KIAA0825: variants seen among roughly 807,000 people sequenced by gnomAD.
KIAA0825 encodes the protein KIAA0825.
KIAA0825 carries 119 observed loss-of-function variants against 147.6 expected under a neutral mutation model. The ratio of observed to expected loss-of-function variants is 0.81; its 90% CI spans 0.69 to 0.94. KIAA0825 has a LOEUF of 0.94. Among genes scored for constraint, KIAA0825 ranks in the 40% least tolerant of loss-of-function variants. The pLI, the probability that KIAA0825 is intolerant of heterozygous loss-of-function variation, is 0.00. For synonymous variants in KIAA0825, 470 were observed against 518.1 expected, an observed-to-expected ratio of 0.91 and a Z score of 1.26; for missense variants, 1,381 against 1,472.7, an observed-to-expected ratio of 0.94 and a Z score of 1.02.
intron 14 of KIAA0825, among the ~76,000 whole-genome samples, chr5:94,420,615 G>A (rs1038331583): frequency 1.3e-5 from 2 of 152,062 alleles, no homozygotes; most frequent in African/African-American, 4.8e-5. Context: ...TGCACATCTT[G>A]TCTTCAGGTA....
chr5:94,463,065 C>G (rs865928643), intron 11 of KIAA0825, among the ~76,000 whole-genome samples: 1 of 151,754 alleles, frequency 6.6e-6, no homozygotes, highest in African/African-American at 2.4e-5. Flanking sequence ...AAATGACAAA[C>G]GAAGCTCAAA....
chr5:94,252,464 T>TAG (rs1247073440), intron 20 of KIAA0825, among the ~76,000 whole-genome samples: 4 of 151,550 alleles, frequency 2.6e-5, no homozygotes, highest in African/African-American at 4.8e-5. Context: ...TGTATATATA[T>TAG]ATAGAGAGAG....
At chr5:94,519,822 A>G in intron 5 of KIAA0825, 1 of 736,776 alleles carries the variant, frequency 1.4e-6, no homozygotes, top group Non-Finnish European at 1.7e-6. Context: ...CTTTTCTGTT[A>G]TGTATATAAC....
intron 19 of KIAA0825, 62 bp from the exon 20 acceptor site, chr5:94,384,520 T>C: frequency 2.2e-6 from 3 of 1,350,878 alleles, no homozygotes; most frequent in Non-Finnish European, 3.1e-6. Flanking sequence ...ATATGATCAG[T>C]AAATTAAAGC....
At position 94,327,350 on chromosome 5, in the gene KIAA0825, G is replaced by GA. The variant is rs781481145; in HGVS notation, c.3710+57017dup. Among the ~76,000 whole-genome samples, 345 of 137,024 alleles carry GA rather than the reference G, an allele frequency of 2.5e-3. 2 individuals carry two copies. Among genetic ancestry groups the GA allele is most frequent in the Middle Eastern group, 0.011 (3 of 274 alleles). The allele number at this position is 137,024 out of a possible 152,430, so 89.9% of individuals were successfully genotyped here. A position where few individuals can be genotyped will look rare whatever the true frequency, so the allele number is the denominator to read the frequency against. Reference sequence around the variant, plus strand: ...TAGAACATGAATACTACTTTATGAAGAAAAAAAAAAAACTGTCCTTTAGAT... The same window carrying GA: ...TAGAACATGAATACTACTTTATGAAGAAAAAAAAAAAAACTGTCCTTTAGAT... On this transcript the variant is annotated intron_variant, in intron 20 of 20. Transcript: ENST00000682413.
intron 20 of KIAA0825, among the ~76,000 whole-genome samples, chr5:94,302,390 A>G (rs779415490): frequency 7.2e-5 from 11 of 152,074 alleles, no homozygotes; most frequent in Non-Finnish European, 1.0e-4. Context: ...AAAGAGTATT[A>G]TATATGATGA....
At position 94,389,549 on chromosome 5, in the gene KIAA0825, G is replaced by A. The variant is rs536392928; in HGVS notation, c.3456+1986C>T. ...CCTCATTTTCCCTGATGACTTCTTTGTCTCTATGAATGGCACACCCATTCT... is the reference window on the plus strand; with the variant it reads ...CCTCATTTTCCCTGATGACTTCTTTATCTCTATGAATGGCACACCCATTCT... On this transcript the variant is annotated intron_variant, in intron 18 of 20. Coordinates refer to ENST00000682413, the MANE Select transcript of KIAA0825 (RefSeq NM_001145678.3). Among the ~76,000 whole-genome samples the A allele has an allele frequency of 2.8e-4, 43 of 152,256 alleles. 2 individuals carry two copies. The South Asian group carries it at 8.5e-3, about 30-fold the overall frequency.
intron 18 of KIAA0825, 68 bp downstream of exon 18, chr5:94,391,467 A>T: frequency 6.7e-7 from 1 of 1,486,232 alleles, no homozygotes; most frequent in South Asian, 1.2e-5. Flanking sequence ...ACTAACCCTT[A>T]GCTGCCAGCA....
chr5:94,188,884 C>CA, intron 20 of KIAA0825, among the ~76,000 whole-genome samples: 2 of 152,230 alleles, frequency 1.3e-5, no homozygotes, highest in East Asian at 3.9e-4. Context: ...TTTTTATTCC[C>CA]ACCAACACTG....
chr5:94,587,921 C>T (rs1325362163), intron 1 of KIAA0825, among the ~76,000 whole-genome samples: 1 of 152,160 alleles, frequency 6.6e-6, no homozygotes, highest in Non-Finnish European at 1.5e-5. Context: ...TTTGAGAAAT[C>T]TCACAAAAAC....
At chr5:94,507,803 A>G (rs1034632636) in intron 5 of KIAA0825, among the ~76,000 whole-genome samples, 1 of 152,232 alleles carries the variant, frequency 6.6e-6, no homozygotes, top group African/African-American at 2.4e-5. Context: ...GATATGAAGT[A>G]GTTTAACAAA....
rs1562587032 is a variant in KIAA0825 at position 94,520,626 on chromosome 5, G to GT, written c.591dup (p.Gln198ThrfsTer21). On this transcript the variant is annotated frameshift_variant, in exon 5 of 21. Transcript: ENST00000682413. LOFTEE classifies it high-confidence loss of function. Reference sequence around the variant, plus strand: ...GATTCTGGATAAAGAAACAAGAGTTGTTGTAAGCACTGCTTTTTCAATAAA... The same window carrying GT: ...GATTCTGGATAAAGAAACAAGAGTTGTTTGTAAGCACTGCTTTTTCAATAAA... The GT allele has an allele frequency of 6.2e-7, 1 of 1,613,354 alleles. No individual in the cohort carries two copies.
chr5:94,588,100 G>A (rs150768231), intron 1 of KIAA0825, among the ~76,000 whole-genome samples: 1,838 of 152,088 alleles, frequency 0.012, 34 homozygotes, highest in African/African-American at 0.042. Context: ...GTAGAAGAAA[G>A]CCCGGCAATA....
chr5:94,487,399 A>T (rs1372732999), intron 5 of KIAA0825, among the ~76,000 whole-genome samples: 2 of 152,198 alleles, frequency 1.3e-5, no homozygotes, highest in Non-Finnish European at 2.9e-5. Flanking sequence ...GGGGAAAATA[A>T]TTCTGTGATA....
intron 3 of KIAA0825, among the ~76,000 whole-genome samples, chr5:94,534,914 C>T (rs1393998155): frequency 6.6e-6 from 1 of 152,028 alleles, no homozygotes; most frequent in Non-Finnish European, 1.5e-5. Context: ...ATTTAAGTAA[C>T]ACTATTTTCA....
At chr5:94,523,372 T>C (rs1486071045) in intron 4 of KIAA0825, among the ~76,000 whole-genome samples, 6 of 151,788 alleles carry the variant, frequency 4.0e-5, no homozygotes, top group Non-Finnish European at 8.9e-5. Flanking sequence ...AAAACTTCTC[T>C]AGCATAGATG....
rs1430259917 is a variant in KIAA0825 at position 94,153,236 on chromosome 5, G to A, written c.*771C>T. On this transcript the variant is annotated 3_prime_UTR_variant, in exon 21 of 21. Coordinates refer to ENST00000682413, the MANE Select transcript of KIAA0825 (RefSeq NM_001145678.3). Reference sequence around the variant, plus strand: ...AAAATTTTAAAGTAACACATTATATGAGCTAATGAGCTTTGGGGTAAAGAT... The same window carrying A: ...AAAATTTTAAAGTAACACATTATATAAGCTAATGAGCTTTGGGGTAAAGAT... 3 of 151,812 alleles carry A rather than the reference G, an allele frequency of 2.0e-5. No individual in the cohort carries two copies. Among genetic ancestry groups the A allele is most frequent in the Non-Finnish European group, 2.9e-5 (2 of 67,980 alleles). The allele number at this position is 151,812 out of a possible 1,614,324, so 9.4% of individuals were successfully genotyped here. A position where few individuals can be genotyped will look rare whatever the true frequency, so the allele number is the denominator to read the frequency against.
chr5:94,599,398 T>C (rs1315002263), intron 1 of KIAA0825, among the ~76,000 whole-genome samples: 1 of 142,540 alleles, frequency 7.0e-6, no homozygotes, highest in Non-Finnish European at 1.5e-5. Context: ...GAGGGTTCCA[T>C]GAAAAGTTAA....
intron 20 of KIAA0825, among the ~76,000 whole-genome samples, chr5:94,176,031 C>G (rs1769063912): frequency 6.6e-6 from 1 of 152,076 alleles, no homozygotes; most frequent in African/African-American, 2.4e-5. Flanking sequence ...ATTGCTAAAT[C>G]CCCTTGCTGT....
Sources: gnomAD v4.1 joint callset for allele counts (sites outside exome capture counted in the v4.1 genomes callset) on GRCh38, gnomAD v4.1.1 for gene constraint, MANE v1.5 for transcripts, NCBI Gene and HGNC (gene_info 2026-07-23, HGNC 2026-07-21) for gene names.